IMMP2L: variants seen among roughly 807,000 people sequenced by gnomAD.
The protein encoded by IMMP2L is inner mitochondrial membrane peptidase subunit 2.
IMMP2L carries 18 observed loss-of-function variants against 19.3 expected under a neutral mutation model. The ratio of observed to expected loss-of-function variants is 0.93; its 90% CI spans 0.64 to 1.38. The LOEUF (loss-of-function observed/expected upper bound fraction) is 1.38. Among genes scored for constraint, IMMP2L ranks in the 40% most tolerant of loss-of-function variants. The pLI is 0.00. For missense variants in IMMP2L, 233 were observed against 218.2 expected, an observed-to-expected ratio of 1.07 and a Z score of -0.43; for synonymous variants, 76 against 73.0, an observed-to-expected ratio of 1.04 and a Z score of -0.21.
intron 5 of IMMP2L, among the ~76,000 whole-genome samples, chr7:110,827,808 T>G (rs889218106): frequency 2.6e-5 from 4 of 152,122 alleles, no homozygotes; most frequent in Non-Finnish European, 5.9e-5. Flanking sequence ...TCCAGTACTT[T>G]GAATAAAGAC....
In IMMP2L at chr7:110,736,399, A is replaced by C. The variant is rs1002022014; in HGVS notation, c.409-72678T>G. 2.0e-5 allele frequency among the ~76,000 whole-genome samples: 3 copies of C among 152,152 alleles called. No individual in the cohort carries two copies. In the South Asian group the frequency reaches 6.2e-4, roughly 32 times the overall value. The stretch of plus-strand genomic sequence containing the variant: ...CTTCCACTAGGGCAAATATCCAGTA[A>C]AGCTGTGTGGGCAGGACTACTTCCA... On this transcript the variant is annotated intron_variant, in intron 5 of 5. Transcript: ENST00000405709.
chr7:111,027,454 A>G (rs1826962275), intron 3 of IMMP2L, among the ~76,000 whole-genome samples: 2 of 152,116 alleles, frequency 1.3e-5, no homozygotes, highest in South Asian at 4.1e-4. Context: ...GACTAGAATG[A>G]CTCAATAATG....
intron 5 of IMMP2L, among the ~76,000 whole-genome samples, chr7:110,869,097 G>A (rs780988656): frequency 3.3e-5 from 5 of 151,890 alleles, no homozygotes; most frequent in Non-Finnish European, 7.4e-5. Flanking sequence ...TTGGTCATAC[G>A]CAACAGAAAC....
intron 3 of IMMP2L, among the ~76,000 whole-genome samples, chr7:111,132,237 T>A (rs1801918235): frequency 6.6e-6 from 1 of 151,992 alleles, no homozygotes; most frequent in African/African-American, 2.4e-5. Flanking sequence ...AAGTTCCAAG[T>A]AGATGGAAGG....
intron 5 of IMMP2L, among the ~76,000 whole-genome samples, chr7:110,876,653 CT>C (rs1809096830): frequency 6.6e-6 from 1 of 152,148 alleles, no homozygotes; most frequent in African/African-American, 2.4e-5. Flanking sequence ...TTCCTAAGGA[CT>C]CTTATGAGTC....
chr7:111,467,710 T>C lies in IMMP2L; in HGVS notation c.239+19528A>G, dbSNP rs189829935. Among the ~76,000 whole-genome samples the C allele has an allele frequency of 5.8e-4, 88 of 152,284 alleles. 2 individuals are homozygous for C. The highest frequency in any genetic ancestry group is 2.0e-3 in the African/African-American group (82 of 41,572). ...CAAAAATATTCTAGTTGACAATATA[T>C]TCATTACTGTTTATGACCTCTAGTA... On this transcript the variant is annotated intron_variant, in intron 3 of 5. Coordinates refer to ENST00000405709, the MANE Select transcript of IMMP2L (RefSeq NM_032549.4).
At chr7:110,898,693 A>G (rs1012399487) in intron 4 of IMMP2L, among the ~76,000 whole-genome samples, 7 of 152,152 alleles carry the variant, frequency 4.6e-5, no homozygotes, top group African/African-American at 1.4e-4. Flanking sequence ...GAAAGATTTA[A>G]GAGTTGGGGC....
intron 5 of IMMP2L, among the ~76,000 whole-genome samples, chr7:110,790,669 T>C (rs1672392919): frequency 6.6e-6 from 1 of 151,582 alleles, no homozygotes; most frequent in African/African-American, 2.4e-5. Flanking sequence ...AGTGGTACAG[T>C]GGGGCCACTT....
intron 5 of IMMP2L, among the ~76,000 whole-genome samples, chr7:110,819,580 T>C (rs1318670891): frequency 1.3e-5 from 2 of 152,010 alleles, no homozygotes; most frequent in East Asian, 3.9e-4. Context: ...CCAAAAACCA[T>C]GACCTCAGCA....
rs150123449 is a variant in IMMP2L, at chr7:111,519,634, T to C, written c.135+1679A>G. Among the ~76,000 whole-genome samples the C allele has an allele frequency of 5.9e-4, 89 of 152,010 alleles. 1 individual carries two copies. The highest frequency in any genetic ancestry group is 2.0e-3 in the African/African-American group (84 of 41,460). On this transcript the variant is annotated intron_variant, in intron 2 of 5. Coordinates refer to ENST00000405709, the MANE Select transcript of IMMP2L (RefSeq NM_032549.4). ...TTGTCCTTTCATAAGGCAGTCAAGG[T>C]CTTGTGAGCAAGACCTGTATCTTAT...
At chr7:111,519,130 C>A (rs994635222) in intron 2 of IMMP2L, among the ~76,000 whole-genome samples, 12 of 152,150 alleles carry the variant, frequency 7.9e-5, no homozygotes, top group Admixed American at 7.2e-4. Context: ...ACACTGAAAT[C>A]AAGGCAGTAG....
chr7:110,825,750 G>T (rs1182221181), intron 5 of IMMP2L, among the ~76,000 whole-genome samples: 1 of 152,086 alleles, frequency 6.6e-6, no homozygotes, highest in Non-Finnish European at 1.5e-5. Flanking sequence ...GAAAATCTAG[G>T]CAATACCATT....
At chr7:111,148,348 A>T (rs1348913710) in intron 3 of IMMP2L, among the ~76,000 whole-genome samples, 2 of 152,070 alleles carry the variant, frequency 1.3e-5, no homozygotes, top group African/African-American at 4.8e-5. Context: ...AGTGCTTGCT[A>T]GCCCTAGGGT....
At chr7:110,949,075 T>C (rs1817534142) in intron 4 of IMMP2L, among the ~76,000 whole-genome samples, 1 of 152,162 alleles carries the variant, frequency 6.6e-6, no homozygotes, top group Admixed American at 6.6e-5. Context: ...TTTGAGACAT[T>C]TCGGCTTAGA....
At chr7:111,523,896 C>T (rs962408208) in intron 1 of IMMP2L, among the ~76,000 whole-genome samples, 10 of 152,026 alleles carry the variant, frequency 6.6e-5, no homozygotes, top group African/African-American at 2.4e-4. Context: ...TTAATGTGAG[C>T]CCTTGAGTGA....
chr7:111,229,657 G>C (rs960275741), intron 3 of IMMP2L, among the ~76,000 whole-genome samples: 2 of 151,864 alleles, frequency 1.3e-5, no homozygotes, highest in South Asian at 2.1e-4. Context: ...GATAAAATTA[G>C]ATTTAGTGAA....
At chr7:111,241,630 T>A (rs1412592019) in intron 3 of IMMP2L, among the ~76,000 whole-genome samples, 1 of 151,852 alleles carries the variant, frequency 6.6e-6, no homozygotes, top group Non-Finnish European at 1.5e-5. Context: ...GTTATGGCAT[T>A]TGTAGTTAAG....
intron 3 of IMMP2L, among the ~76,000 whole-genome samples, chr7:111,176,652 A>T (rs1204248998): frequency 6.6e-6 from 1 of 152,028 alleles, no homozygotes; most frequent in Non-Finnish European, 1.5e-5. Flanking sequence ...GAGTGTGAGG[A>T]TGGTTAATGG....
intron 3 of IMMP2L, among the ~76,000 whole-genome samples, chr7:111,196,056 TA>T (rs1426999615): frequency 4.6e-5 from 7 of 152,048 alleles, no homozygotes; most frequent in Non-Finnish European, 1.0e-4. Flanking sequence ...TTGTTTTTGA[TA>T]GAGACAGTAT....
Sources: gnomAD v4.1 joint callset for allele counts (sites outside exome capture counted in the v4.1 genomes callset) on GRCh38, gnomAD v4.1.1 for gene constraint, MANE v1.5 for transcripts, NCBI Gene and HGNC (gene_info 2026-07-23, HGNC 2026-07-21) for gene names.